FILIP1: variants seen among roughly 807,000 people sequenced by gnomAD.
The protein encoded by FILIP1 is filamin A interacting protein 1, also known as filamin-A-interacting protein 1.
A neutral mutation model predicts 102.1 loss-of-function variants in FILIP1; 61 were observed. That is an observed-to-expected ratio of 0.60 (90% CI 0.49 to 0.74). FILIP1 has a LOEUF of 0.74. Ranked by LOEUF, FILIP1 falls within the 30% of genes least tolerant of loss-of-function variation. The pLI is 0.00. For synonymous variants in FILIP1, 491 were observed against 526.9 expected (o/e 0.93, Z 0.93); for missense variants, 1,314 against 1,441.2 (o/e 0.91, Z 1.43).
intron 1 of FILIP1, among the ~76,000 whole-genome samples, chr6:75,455,676 C>A (rs1183947473): frequency 6.6e-6 from 1 of 152,164 alleles, no homozygotes; most frequent in Non-Finnish European, 1.5e-5. Context: ...TCATGCCATT[C>A]CCTTGCTCAA....
At chr6:75,345,882 A>G (rs538112422) in intron 4 of FILIP1, among the ~76,000 whole-genome samples, 2 of 152,312 alleles carry the variant, frequency 1.3e-5, no homozygotes, top group African/African-American at 4.8e-5. Context: ...CCAGACAGCA[A>G]TGCCACTTCA....
chr6:75,422,546 T>G (rs1046468274), intron 1 of FILIP1, among the ~76,000 whole-genome samples: 3 of 152,150 alleles, frequency 2.0e-5, no homozygotes, highest in Admixed American at 1.3e-4. Flanking sequence ...AATCAGCCAT[T>G]TTCCTGCCAC....
At chr6:75,433,660 G>A (rs1229439259) in intron 1 of FILIP1, among the ~76,000 whole-genome samples, 3 of 150,144 alleles carry the variant, frequency 2.0e-5, no homozygotes, top group Non-Finnish European at 4.5e-5. Flanking sequence ...CTGTGCAGAA[G>A]CTCTTTTGCT....
At chr6:75,467,451 A>T (rs1046065399) in intron 1 of FILIP1, among the ~76,000 whole-genome samples, 6 of 152,180 alleles carry the variant, frequency 3.9e-5, no homozygotes, top group Non-Finnish European at 7.3e-5. Context: ...GGGAAGAAAC[A>T]GTGTACTTGC....
At chr6:75,341,313 G>A (rs7753528) in intron 4 of FILIP1, among the ~76,000 whole-genome samples, 106,663 of 151,512 alleles carry the variant, frequency 0.7, 37,654 homozygotes, top group Middle Eastern at 0.77. Flanking sequence ...GGTATGTGCT[G>A]TAACACCTGG....
chr6:75,331,164 A>G (rs1293667433), intron 4 of FILIP1, among the ~76,000 whole-genome samples: 1 of 152,212 alleles, frequency 6.6e-6, no homozygotes, highest in African/African-American at 2.4e-5. Flanking sequence ...TTAAATTTAT[A>G]AATGCTATAT....
intron 2 of FILIP1, among the ~76,000 whole-genome samples, chr6:75,373,481 A>T (rs1353889697): frequency 1.3e-5 from 2 of 151,972 alleles, no homozygotes; most frequent in African/African-American, 2.4e-5. Context: ...TTATTTATTT[A>T]TTTTTTAGAG....
chr6:75,308,506 T>C lies in FILIP1; in HGVS notation c.*185A>G, dbSNP rs1216843377. 2 of 1,423,934 alleles carry C rather than the reference T, an allele frequency of 1.4e-6. No homozygotes were observed. The highest frequency in any genetic ancestry group is 2.9e-5 in the African/African-American group (2 of 69,376). 88.2% of individuals were successfully genotyped at this position (1,423,934 alleles called of 1,614,324 possible). On this transcript the variant is annotated 3_prime_UTR_variant, in exon 6 of 6. Transcript: ENST00000237172. ...AGGCAGCAAGCAATAGTTTTGCTAA[T>C]TTTGTTCCCCAGCATCAAAACAAAT...
At chr6:75,482,691 A>G (rs1779678164) in intron 1 of FILIP1, among the ~76,000 whole-genome samples, 1 of 152,238 alleles carries the variant, frequency 6.6e-6, no homozygotes, top group Non-Finnish European at 1.5e-5. Context: ...TAATATTGTT[A>G]GAAAAGCAAT....
chr6:75,307,266 C>G (rs1443755828), downstream of FILIP1, among the ~76,000 whole-genome samples: 1 of 152,132 alleles, frequency 6.6e-6, no homozygotes, highest in Non-Finnish European at 1.5e-5. Flanking sequence ...GAAAGGAACT[C>G]AGAGAAGAGC....
intron 4 of FILIP1, among the ~76,000 whole-genome samples, chr6:75,327,049 C>G (rs1283011035): frequency 2.6e-5 from 4 of 152,086 alleles, no homozygotes; most frequent in African/African-American, 4.8e-5. Context: ...CATTGTCATT[C>G]AATTAGCTGT....
chr6:75,405,668 C>T (rs1358203400), intron 2 of FILIP1, among the ~76,000 whole-genome samples: 1 of 152,120 alleles, frequency 6.6e-6, no homozygotes, highest in East Asian at 1.9e-4. Context: ...CTTCTTATCC[C>T]TGACGCACAT....
chr6:75,457,841 G>T lies in FILIP1; in HGVS notation c.-7+35573C>A, dbSNP rs562915351. The stretch of plus-strand genomic sequence containing the variant: ...TTTCCAAAAATCTGATCTAATGGAA[G>T]TCTGGCCTATCCCTTTAATTATTCT... On this transcript the variant is annotated intron_variant, in intron 1 of 5. Coordinates refer to ENST00000237172, the MANE Select transcript of FILIP1 (RefSeq NM_015687.5). Among the ~76,000 whole-genome samples, 8 of 152,240 alleles carry T rather than the reference G, an allele frequency of 5.3e-5. No individual in the cohort carries two copies. In the East Asian group the frequency reaches 1.4e-3, roughly 26 times the overall value.
intron 1 of FILIP1, among the ~76,000 whole-genome samples, chr6:75,434,221 T>C (rs1777935257): frequency 6.6e-6 from 1 of 152,206 alleles, no homozygotes; most frequent in Admixed American, 6.5e-5. Context: ...TCCAATTCTG[T>C]AAAGACAGTC....
chr6:75,390,921 T>G (rs1262730409), intron 2 of FILIP1, among the ~76,000 whole-genome samples: 1 of 152,132 alleles, frequency 6.6e-6, no homozygotes, highest in Non-Finnish European at 1.5e-5. Context: ...TGTTCTGACT[T>G]CCCAGTTCCC....
chr6:75,486,627 A>T (rs532498691), intron 1 of FILIP1, among the ~76,000 whole-genome samples: 1 of 152,136 alleles, frequency 6.6e-6, no homozygotes, highest in Non-Finnish European at 1.5e-5. Flanking sequence ...ATAAGGTCAA[A>T]TTGCCTGGAT....
chr6:75,454,565 T>C (rs930954796), intron 1 of FILIP1, among the ~76,000 whole-genome samples: 3 of 152,136 alleles, frequency 2.0e-5, no homozygotes, highest in Admixed American at 6.5e-5. Context: ...TTCTGCCAAC[T>C]AAAAACAGTA....
chr6:75,313,733 A>T lies in FILIP1; in HGVS notation c.2099T>A (p.Val700Glu). ...KNKAIEKGEV[V>E]SQEAELRHRF... is the part of the protein sequence containing the mutation. ...GTGTCTCAGTTCAGCTTCCTGGCTC[A>T]CAACCTCACCCTTCTCTATTGCTTT... The change falls in exon 5 of 6, where the codon GTG becomes GAG. Residue 700 changes from valine (V) to glutamate (E), a missense_variant. By Grantham distance (121) the Val-to-Glu change is moderately radical (BLOSUM62 -2). Coordinates refer to ENST00000237172, the MANE Select transcript of FILIP1 (RefSeq NM_015687.5). The surrounding 1 kb of genome is among the most constrained non-coding windows in gnomAD (Gnocchi z 4.2). 6.4e-7 allele frequency: 1 copy of T among 1,570,756 alleles called. No individual in the cohort carries two copies. The highest frequency in any genetic ancestry group is 8.6e-7 in the Non-Finnish European group (1 of 1,163,362).
In FILIP1 at chr6:75,295,876, G is replaced by A. The variant is rs368894835; in HGVS notation, c.*34C>T. On this transcript the variant is annotated 3_prime_UTR_variant, in exon 7 of 7. Coordinates refer to the FILIP1 transcript ENST00000393004. The stretch of plus-strand genomic sequence containing the variant: ...TCCATTCAATAGGGATTCAGAGGTC[G>A]TACACACACCCAGTATGTGCTTGGT... 72 of 1,383,960 alleles carry A rather than the reference G, an allele frequency of 5.2e-5. No homozygotes were observed. The African/African-American group carries it at 6.3e-4, about 12-fold the overall frequency. The allele number at this position is 1,383,960 out of a possible 1,614,324, so 85.7% of individuals were successfully genotyped here.
Sources: allele counts gnomAD v4.1 joint callset (sites outside exome capture counted in the v4.1 genomes callset), GRCh38; gene constraint gnomAD v4.1.1; non-coding constraint Gnocchi (gnomAD v3.1); transcripts MANE v1.5; gene names NCBI Gene and HGNC (gene_info 2026-07-23, HGNC 2026-07-21).